The following CD8B2 variants were observed in gnomAD, a reference collection of about 807,000 sequenced individuals.
The protein encoded by CD8B2 is CD8B family member 2.
Under a neutral mutation model 23.7 loss-of-function variants are expected in CD8B2, and 11 were observed. The observed-to-expected ratio is 0.46, with a 90% CI of 0.29 to 0.77. The LOEUF (loss-of-function observed/expected upper bound fraction) is 0.77. Ranked by LOEUF, CD8B2 falls within the 30% of genes least tolerant of loss-of-function variation. CD8B2 has a pLI of 0.09. For synonymous variants in CD8B2, 90 were observed against 109.3 expected, an observed-to-expected ratio of 0.82 and a Z score of 1.10; for missense variants, 197 against 270.5, an observed-to-expected ratio of 0.73 and a Z score of 1.91.
intron 5 of CD8B2, among the ~76,000 whole-genome samples, chr2:106,519,042 T>C (rs1679777947): frequency 6.6e-6 from 1 of 151,964 alleles, no homozygotes. Context: ...CATCCATTCA[T>C]TCCTCCATTC....
chr2:106,534,481 C>T (rs1196128269), intron 5 of CD8B2, among the ~76,000 whole-genome samples: 1 of 152,176 alleles, frequency 6.6e-6, no homozygotes, highest in East Asian at 1.9e-4. Context: ...TTCATTGTAA[C>T]AGAAGAAGCA....
At chr2:106,493,771 A>C (rs1046972617) in intron 2 of CD8B2, among the ~76,000 whole-genome samples, 6 of 152,184 alleles carry the variant, frequency 3.9e-5, no homozygotes, top group Non-Finnish European at 7.3e-5. Context: ...TTCTAGAATC[A>C]AGGTCTTTTG....
chr2:106,530,953 C>A (rs1217733739), intron 5 of CD8B2, among the ~76,000 whole-genome samples: 1 of 151,920 alleles, frequency 6.6e-6, no homozygotes, highest in African/African-American at 2.4e-5. Context: ...TAATCTACCC[C>A]TTGTTTAGCA....
chr2:106,510,589 G>C lies in CD8B2; in HGVS notation c.*3649G>C, dbSNP rs1376935901. 1.3e-5 allele frequency: 2 copies of C among 152,032 alleles called. No homozygotes were observed. Among genetic ancestry groups the C allele is most frequent in the Non-Finnish European group, 2.9e-5 (2 of 68,026 alleles). The allele number at this position is 152,032 out of a possible 1,614,324, so 9.4% of individuals were successfully genotyped here. A position where few individuals can be genotyped will look rare whatever the true frequency, so the allele number is the denominator to read the frequency against. ...ACAAAAAATTTTTAAATTTTTTTCT[G>C]GGCATGGTGGTGCTTGCCTGGAGTC... On this transcript the variant is annotated 3_prime_UTR_variant, in exon 6 of 6. Coordinates refer to ENST00000643224, the MANE Select transcript of CD8B2 (RefSeq NM_001349727.2).
At chr2:106,524,421 T>A (rs1026081254) in intron 5 of CD8B2, among the ~76,000 whole-genome samples, 1 of 152,194 alleles carries the variant, frequency 6.6e-6, no homozygotes, top group Middle Eastern at 3.2e-3. Flanking sequence ...CTCCTTCTGT[T>A]GAAGGGTGTT....
At chr2:106,542,891 C>T (rs1352293238) in intron 5 of CD8B2, 1 of 152,022 alleles carries the variant, frequency 6.6e-6, no homozygotes, top group Non-Finnish European at 1.5e-5. Flanking sequence ...CTAACATTTC[C>T]GTACGTTGCT....
At chr2:106,489,666 A>G (rs4556972) in intron 1 of CD8B2, among the ~76,000 whole-genome samples, 101,910 of 145,556 alleles carry the variant, frequency 0.7, 35,628 homozygotes, top group East Asian at 0.98. Context: ...ACCTGTTCTG[A>G]TCCTTCTCCT....
chr2:106,520,467 T>C (rs1425766071), intron 5 of CD8B2, among the ~76,000 whole-genome samples: 1 of 152,090 alleles, frequency 6.6e-6, no homozygotes, highest in African/African-American at 2.4e-5. Flanking sequence ...CCAAGGGGGA[T>C]TAGGTTGCAC....
Position 106,507,104 on chromosome 2 carries a change from T to G in CD8B2, c.*164T>G. The stretch of plus-strand genomic sequence containing the variant: ...AAGGCCTTTCTGTGTGTGACGTGCA[T>G]GGGAGCAACTTGTTTGTGGGTCATC... On this transcript the variant is annotated 3_prime_UTR_variant, in exon 6 of 6. Coordinates refer to ENST00000643224, the MANE Select transcript of CD8B2 (RefSeq NM_001349727.2). 6 of 1,504,118 alleles carry G rather than the reference T, an allele frequency of 4.0e-6. No individual in the cohort carries two copies. The highest frequency in any genetic ancestry group is 5.3e-6 in the Non-Finnish European group (6 of 1,127,840). 93.2% of individuals were successfully genotyped at this position (1,504,118 alleles called of 1,614,324 possible). A position where few individuals can be genotyped will look rare whatever the true frequency, so the allele number is the denominator to read the frequency against.
At chr2:106,498,629 T>C (rs897164583) in intron 3 of CD8B2, among the ~76,000 whole-genome samples, 2 of 152,140 alleles carry the variant, frequency 1.3e-5, no homozygotes, top group Non-Finnish European at 2.9e-5. Context: ...TGGGTCAGTG[T>C]AGCCTAGTGG....
At chr2:106,492,478 C>T (rs1018322835) in intron 2 of CD8B2, among the ~76,000 whole-genome samples, 1 of 152,194 alleles carries the variant, frequency 6.6e-6, no homozygotes, top group Non-Finnish European at 1.5e-5. Context: ...GAGCATTTTA[C>T]ATAAAACATA....
At position 106,502,532 on chromosome 2, in the gene CD8B2, G is replaced by C. The variant is rs1465889759; in HGVS notation, c.552G>C (p.Leu184=). The change falls in exon 4 of 6, where the codon CTG becomes CTC. Residue 184 remains leucine, a synonymous_variant. Transcript: ENST00000643224. ...TGGTGGCTGGCGTCCTGGTTCTGCT[G>C]GTTTCCCTGGGAGTGGCCATGCACC... is the stretch of plus-strand genomic sequence containing the variant. ...GLLVAGVLVL[L]VSLGVAMHLC... is the part of the protein sequence containing the mutation. 1 of 1,582,018 alleles carries C rather than the reference G, an allele frequency of 6.3e-7. No individual in the cohort carries two copies. The highest frequency in any genetic ancestry group is 8.6e-7 in the Non-Finnish European group (1 of 1,163,252).
At chr2:106,512,832 G>A (rs1013948368), downstream of CD8B2, among the ~76,000 whole-genome samples, 1 of 152,050 alleles carries the variant, frequency 6.6e-6, no homozygotes, top group Non-Finnish European at 1.5e-5. Flanking sequence ...CTAGGGGTGC[G>A]GCATGGCCAG....
chr2:106,490,127 C>A (rs1335811328), intron 1 of CD8B2, among the ~76,000 whole-genome samples: 2 of 151,980 alleles, frequency 1.3e-5, no homozygotes, highest in African/African-American at 2.4e-5. Context: ...GACAGACCAG[C>A]CACATGCTCT....
intron 5 of CD8B2, among the ~76,000 whole-genome samples, chr2:106,517,719 G>GT (rs1679751334): frequency 7.0e-6 from 1 of 143,060 alleles, no homozygotes; most frequent in Non-Finnish European, 1.5e-5. Flanking sequence ...TTGTTTTTTT[G>GT]TTTTTTGTTT....
At chr2:106,535,656 C>G (rs978546224) in intron 5 of CD8B2, among the ~76,000 whole-genome samples, 4 of 152,190 alleles carry the variant, frequency 2.6e-5, no homozygotes, top group African/African-American at 9.7e-5. Flanking sequence ...TAAAGCCCTT[C>G]TACTTTTCTC....
intron 4 of CD8B2, among the ~76,000 whole-genome samples, chr2:106,503,400 A>G (rs986130125): frequency 6.6e-6 from 1 of 152,046 alleles, no homozygotes; most frequent in African/African-American, 2.4e-5. Context: ...CCAGGAGCAT[A>G]CTTTTGCCTA....
intron 4 of CD8B2, 39 bp from the exon 5 acceptor site, chr2:106,504,250 C>T: frequency 1.3e-6 from 2 of 1,554,314 alleles, no homozygotes; most frequent in Middle Eastern, 1.8e-4. Flanking sequence ...CAGTGACCCA[C>T]AGCCCACACT....
chr2:106,534,612 C>T (rs1332945424), intron 5 of CD8B2, among the ~76,000 whole-genome samples: 8 of 152,088 alleles, frequency 5.3e-5, no homozygotes, highest in South Asian at 2.1e-4. Context: ...AGGGGAACGC[C>T]GGGTTCCCAG....
Sources: allele counts gnomAD v4.1 joint callset (sites outside exome capture counted in the v4.1 genomes callset), GRCh38; gene constraint gnomAD v4.1.1; transcripts MANE v1.5; gene names NCBI Gene and HGNC (gene_info 2026-07-23, HGNC 2026-07-21).